TESK2: variants seen among roughly 807,000 people sequenced by gnomAD.
The protein encoded by TESK2 is testis associated actin remodelling kinase 2, also known as dual specificity testis-specific protein kinase 2.
TESK2 carries 39 observed loss-of-function variants against 57.1 expected under a neutral mutation model. The ratio of observed to expected loss-of-function variants is 0.68; its 90% confidence interval spans 0.53 to 0.89. The LOEUF (loss-of-function observed/expected upper bound fraction) is 0.89, where lower values mean the gene tolerates loss of function less well. TESK2 is among the 40% of genes least tolerant of loss of function. The pLI is 0.00. For synonymous variants in TESK2, 249 were observed against 267.9 expected (o/e 0.93, Z 0.69); for missense variants, 646 against 732.1 (o/e 0.88, Z 1.36).
At chr1:45,385,084 C>G (rs563075725) in intron 4 of TESK2, among the ~76,000 whole-genome samples, 44 of 152,274 alleles carry the variant, frequency 2.9e-4, no homozygotes, top group Non-Finnish European at 5.7e-4. Flanking sequence ...AGTTTCTTCA[C>G]TTTGTACTTT....
chr1:45,345,733 G>T, intron 10 of TESK2, 144 bp downstream of exon 10: 2 of 895,166 alleles, frequency 2.2e-6, no homozygotes, highest in Non-Finnish European at 3.5e-6. Context: ...TCTTAAAAAG[G>T]CCAGTACTTT....
At chr1:45,397,759 GTC>G (rs1177030491) in intron 3 of TESK2, among the ~76,000 whole-genome samples, 2 of 152,118 alleles carry the variant, frequency 1.3e-5, no homozygotes, top group Admixed American at 6.6e-5. Context: ...GTGAGAATGA[GTC>G]TCTCTGTCTG....
intron 1 of TESK2, among the ~76,000 whole-genome samples, chr1:45,467,696 A>G (rs1396875787): frequency 6.6e-6 from 1 of 152,072 alleles, no homozygotes; most frequent in East Asian, 1.9e-4. Context: ...TTAAGCCAAA[A>G]CATTGATAAC....
At chr1:45,421,644 T>C in intron 3 of TESK2, 81 bp downstream of exon 3, 1 of 1,556,308 alleles carries the variant, frequency 6.4e-7, no homozygotes, top group South Asian at 1.2e-5. Flanking sequence ...GAATCCCTCC[T>C]TTTTTTCCTA....
intron 1 of TESK2, among the ~76,000 whole-genome samples, chr1:45,484,817 G>A (rs1204527802): frequency 1.3e-5 from 2 of 151,658 alleles, no homozygotes; most frequent in Non-Finnish European, 2.9e-5. Flanking sequence ...AGATCACAAG[G>A]TCAGGAGATC....
chr1:45,446,355 G>A (rs1249675191), intron 2 of TESK2, among the ~76,000 whole-genome samples: 1 of 151,986 alleles, frequency 6.6e-6, no homozygotes, highest in Non-Finnish European at 1.5e-5. Context: ...TAGCTACTCA[G>A]GAGGCTGAGG....
At chr1:45,436,716 G>A (rs541627668) in intron 2 of TESK2, among the ~76,000 whole-genome samples, 103 of 151,472 alleles carry the variant, frequency 6.8e-4, no homozygotes, top group Middle Eastern at 6.8e-3. Flanking sequence ...TCGAACTCCT[G>A]ACCTCAGGTG....
At chr1:45,450,309 C>T (rs1407279860) in intron 2 of TESK2, among the ~76,000 whole-genome samples, 8 of 152,122 alleles carry the variant, frequency 5.3e-5, no homozygotes, top group South Asian at 2.1e-4. Flanking sequence ...GTCAGGAGTT[C>T]GAGACCAGCC....
chr1:45,429,279 C>T (rs1228822665), intron 2 of TESK2, among the ~76,000 whole-genome samples: 2 of 151,966 alleles, frequency 1.3e-5, no homozygotes, highest in African/African-American at 4.8e-5. Flanking sequence ...GTCTGTAGTC[C>T]CAGCTACCTG....
chr1:45,386,088 T>A, intron 3 of TESK2, 128 bp from the exon 4 acceptor site: 1 of 586,726 alleles, frequency 1.7e-6, no homozygotes, highest in Middle Eastern at 4.3e-4. Context: ...CTTACATCTG[T>A]AATCCCCGCA....
At chr1:45,414,014 A>G (rs902673334) in intron 3 of TESK2, 1 of 344,282 alleles carries the variant, frequency 2.9e-6, no homozygotes, top group Admixed American at 3.7e-5. Context: ...ACAAATTCTA[A>G]GAACCTTGAG....
At chr1:45,486,844 C>T (rs1570783710) in intron 1 of TESK2, among the ~76,000 whole-genome samples, 1 of 112,396 alleles carries the variant, frequency 8.9e-6, no homozygotes, top group South Asian at 2.9e-4. Flanking sequence ...TTTTTTGAGA[C>T]GGACTTTCGC....
chr1:45,386,268 C>T (rs1026738756), intron 3 of TESK2, among the ~76,000 whole-genome samples: 2 of 148,812 alleles, frequency 1.3e-5, no homozygotes, highest in Non-Finnish European at 3.0e-5. Flanking sequence ...TCCCTTGAAC[C>T]TGGAAGGCAG....
intron 5 of TESK2, among the ~76,000 whole-genome samples, chr1:45,354,456 C>G (rs1465931954): frequency 6.6e-6 from 1 of 152,060 alleles, no homozygotes; most frequent in East Asian, 1.9e-4. Flanking sequence ...GAAACCCCAT[C>G]TCTACTAAAA....
At chr1:45,419,217 C>G (rs951163726) in intron 3 of TESK2, among the ~76,000 whole-genome samples, 1 of 152,036 alleles carries the variant, frequency 6.6e-6, no homozygotes, top group African/African-American at 2.4e-5. Context: ...ACCTTGTGAT[C>G]TGCCTGCCTC....
chr1:45,370,729 T>C (rs763939599), intron 4 of TESK2, among the ~76,000 whole-genome samples: 11 of 152,130 alleles, frequency 7.2e-5, no homozygotes, highest in Non-Finnish European at 1.3e-4. Flanking sequence ...ATGTTCCATT[T>C]GTGGAACTGA....
chr1:45,353,851 C>A (rs1215055932), intron 5 of TESK2, among the ~76,000 whole-genome samples: 3 of 152,190 alleles, frequency 2.0e-5, no homozygotes, highest in Admixed American at 2.0e-4. Flanking sequence ...CCTCTGAAAG[C>A]GACTCTTTTC....
intron 4 of TESK2, among the ~76,000 whole-genome samples, chr1:45,374,438 T>C (rs934543358): frequency 6.6e-6 from 1 of 152,134 alleles, no homozygotes; most frequent in Non-Finnish European, 1.5e-5. Context: ...AGCCTCAGAT[T>C]TGTCATCTGT....
intron 3 of TESK2, among the ~76,000 whole-genome samples, chr1:45,392,942 T>G (rs1649208868): frequency 6.6e-6 from 1 of 152,184 alleles, no homozygotes; most frequent in Non-Finnish European, 1.5e-5. Flanking sequence ...ATTTATTGAA[T>G]GAAGAAGCAA....
Sources: gnomAD v4.1 joint callset for allele counts (sites outside exome capture counted in the v4.1 genomes callset) on GRCh38, gnomAD v4.1.1 for gene constraint, MANE v1.5 for transcripts, NCBI Gene and HGNC (gene_info 2026-07-23, HGNC 2026-07-21) for gene names.